PRCP: variants seen among roughly 807,000 people sequenced by gnomAD.
PRCP encodes lysosomal Pro-X carboxypeptidase.
Under a neutral mutation model 54.2 loss-of-function variants are expected in PRCP, and 46 were observed. The ratio of observed to expected loss-of-function variants is 0.85; its 90% CI spans 0.67 to 1.09. The LOEUF is 1.09. Among genes scored for constraint, PRCP ranks in the 50% least tolerant of loss-of-function variants. The pLI is 0.00. For missense variants in PRCP, 613 were observed against 596.8 expected (o/e 1.03, Z -0.28); for synonymous variants, 240 against 212.2 (o/e 1.13, Z -1.14).
chr11:82,855,796 T>G, intron 2 of PRCP, among the ~76,000 whole-genome samples: 1 of 152,062 alleles, frequency 6.6e-6, no homozygotes. Context: ...AAAACCACAA[T>G]GAGATACCAT....
Position 82,835,896 on chromosome 11 carries a change from T to C in PRCP, c.1274+2491A>G, listed in dbSNP as rs188467473. ...AAGATCCCAGATGAGGATGGAATAC[T>C]AAAGACACAGCTCTAGCCGGGCGTG... On this transcript the variant is annotated intron_variant, in intron 8 of 8. Coordinates refer to ENST00000313010, the MANE Select transcript of PRCP (RefSeq NM_005040.4). 8.9e-4 allele frequency: 393 copies of C among 440,794 alleles called. 3 individuals carry two copies. Among genetic ancestry groups the C allele is most frequent in the African/African-American group, 7.1e-3 (350 of 49,504 alleles). The allele number at this position is 440,794 out of a possible 1,614,324, so 27.3% of individuals were successfully genotyped here.
At chr11:82,875,896 A>G (rs1272607717) in intron 1 of PRCP, among the ~76,000 whole-genome samples, 3 of 152,102 alleles carry the variant, frequency 2.0e-5, no homozygotes, top group African/African-American at 4.8e-5. Context: ...CTCCCACTTC[A>G]TATTCCAGAA....
intron 1 of PRCP, among the ~76,000 whole-genome samples, chr11:82,871,367 C>T (rs957137188): frequency 9.9e-5 from 15 of 151,862 alleles, no homozygotes; most frequent in African/African-American, 3.6e-4. Flanking sequence ...TTAGTAGAGA[C>T]GGGGTTTTGC....
chr11:82,878,097 G>A (rs192356052), intron 1 of PRCP, among the ~76,000 whole-genome samples: 3 of 152,298 alleles, frequency 2.0e-5, no homozygotes, highest in East Asian at 1.9e-4. Flanking sequence ...ACTGGATTTC[G>A]GACTTGCATG....
intron 1 of PRCP, among the ~76,000 whole-genome samples, chr11:82,892,269 T>A (rs1673015728): frequency 6.6e-6 from 1 of 152,120 alleles, no homozygotes; most frequent in Non-Finnish European, 1.5e-5. Context: ...AATTAAACCA[T>A]CTATTTCAAA....
chr11:82,880,852 A>AT (rs1241243840), intron 1 of PRCP, among the ~76,000 whole-genome samples: 1 of 143,304 alleles, frequency 7.0e-6, no homozygotes, highest in African/African-American at 2.6e-5. Context: ...AAAAAAAAAA[A>AT]CCCTCTGCAA....
At chr11:82,871,095 T>C (rs967101968) in intron 1 of PRCP, among the ~76,000 whole-genome samples, 1 of 152,080 alleles carries the variant, frequency 6.6e-6, no homozygotes, top group Non-Finnish European at 1.5e-5. Flanking sequence ...GCCTTGAAAG[T>C]TTATATTCTT....
At chr11:82,885,819 C>G (rs1207209773) in intron 1 of PRCP, among the ~76,000 whole-genome samples, 1 of 152,188 alleles carries the variant, frequency 6.6e-6, no homozygotes, top group Non-Finnish European at 1.5e-5. Flanking sequence ...AAATTTTATA[C>G]TCAAGTTGTT....
chr11:82,875,044 A>T (rs1403849695), intron 1 of PRCP, among the ~76,000 whole-genome samples: 1 of 152,080 alleles, frequency 6.6e-6, no homozygotes, highest in Non-Finnish European at 1.5e-5. Flanking sequence ...AAACCTGTAT[A>T]AAAAAAGTTA....
chr11:82,839,138 G>A, intron 7 of PRCP, 123 bp downstream of exon 7: 1 of 955,188 alleles, frequency 1.0e-6, no homozygotes, highest in South Asian at 1.7e-5. Flanking sequence ...CACAGCATAA[G>A]GTAACAGAGC....
chr11:82,886,888 C>G (rs1217271317), intron 1 of PRCP, among the ~76,000 whole-genome samples: 4 of 152,200 alleles, frequency 2.6e-5, no homozygotes, highest in African/African-American at 9.6e-5. Flanking sequence ...ATCTCAACAC[C>G]AAGCTATGCT....
intron 8 of PRCP, 99 bp downstream of exon 8, chr11:82,838,288 A>C: frequency 1.8e-6 from 2 of 1,131,066 alleles, no homozygotes; most frequent in Non-Finnish European, 2.5e-6. Flanking sequence ...GTTGTATTCT[A>C]TGTTGTTATA....
intron 2 of PRCP, among the ~76,000 whole-genome samples, chr11:82,855,729 A>G (rs1859067540): frequency 6.6e-6 from 1 of 152,210 alleles, no homozygotes; most frequent in Admixed American, 6.5e-5. Flanking sequence ...AGACATACAC[A>G]AGGCCAACAA....
In PRCP at chr11:82,868,732, G is replaced by A. The variant is rs529085125; in HGVS notation, c.169-8615C>T. On this transcript the variant is annotated intron_variant, in intron 1 of 8. Coordinates refer to ENST00000313010, the MANE Select transcript of PRCP (RefSeq NM_005040.4). The stretch of plus-strand genomic sequence containing the variant: ...AAGAGGTTTATGAGGGGAAGACATG[G>A]GAGATGAGATTAGACTCACTGGGCT... Among the ~76,000 whole-genome samples, 25 of 152,214 alleles carry A rather than the reference G, an allele frequency of 1.6e-4. No homozygotes were observed. In the South Asian group the frequency reaches 5.0e-3, roughly 30 times the overall value.
chr11:82,892,239 A>G (rs1860021116), intron 1 of PRCP, among the ~76,000 whole-genome samples: 2 of 152,224 alleles, frequency 1.3e-5, no homozygotes, highest in East Asian at 3.8e-4. Context: ...AGCTTAAGAC[A>G]CTTAACCTCT....
intron 1 of PRCP, among the ~76,000 whole-genome samples, chr11:82,899,250 C>T (rs1860195236): frequency 1.3e-5 from 2 of 152,198 alleles, no homozygotes; most frequent in African/African-American, 2.4e-5. Flanking sequence ...ATATGAGTGC[C>T]TACTTGAAGC....
intron 1 of PRCP, among the ~76,000 whole-genome samples, chr11:82,880,487 C>A (rs1424485264): frequency 6.6e-6 from 1 of 152,228 alleles, no homozygotes; most frequent in East Asian, 1.9e-4. Context: ...CCTTGCACTT[C>A]CCAGGTGAGG....
At chr11:82,861,978 C>CATG (rs1859215548) in intron 1 of PRCP, among the ~76,000 whole-genome samples, 1 of 151,942 alleles carries the variant, frequency 6.6e-6, no homozygotes, top group African/African-American at 2.4e-5. Context: ...TGAGCACCAA[C>CATG]ATGATACTCA....
intron 1 of PRCP, among the ~76,000 whole-genome samples, chr11:82,876,995 T>C (rs1429014105): frequency 6.6e-6 from 1 of 152,032 alleles, no homozygotes. Context: ...ATGCTGATAG[T>C]GATATGAACA....
Sources: allele counts gnomAD v4.1 joint callset (sites outside exome capture counted in the v4.1 genomes callset), GRCh38; gene constraint gnomAD v4.1.1; transcripts MANE v1.5; gene names NCBI Gene and HGNC (gene_info 2026-07-23, HGNC 2026-07-21).